CLEC4G: variants seen among roughly 807,000 people sequenced by gnomAD.
CLEC4G encodes the protein C-type lectin domain family 4 member G, also known as C-type lectin superfamily 4, member G.
In CLEC4G, 34 loss-of-function variants were observed where a neutral mutation model predicts 37.0. The observed-to-expected ratio is 0.92, with a 90% confidence interval of 0.70 to 1.22. The LOEUF (loss-of-function observed/expected upper bound fraction) is 1.22, where lower values mean the gene tolerates loss of function less well. CLEC4G is among the 50% of genes most tolerant of loss of function. The pLI, the probability that CLEC4G is intolerant of heterozygous loss-of-function variation, is 0.00. For missense variants in CLEC4G, 390 were observed against 392.9 expected (o/e 0.99, Z 0.06); for synonymous variants, 167 against 165.6 (o/e 1.01, Z -0.06).
rs1368385732 is a variant in CLEC4G at position 7,730,332 on chromosome 19, G to T, written c.478+19C>A. The T allele has an allele frequency of 1.3e-6, 2 of 1,589,594 alleles. No individual in the cohort carries two copies. Among genetic ancestry groups the T allele is most frequent in the South Asian group, 2.2e-5 (2 of 89,912 alleles). On this transcript the variant is annotated intron_variant, in intron 6 of 8. Transcript: ENST00000328853. The surrounding 1 kb of genome is among the most constrained non-coding windows in gnomAD (Gnocchi z 7.3). ...GCTTACGCCCTCACAGCCCGCCCCC[G>T]ACCCCCCGTCTCGCTCACTGTTCTG...
chr19:7,731,011 A>C lies in CLEC4G; in HGVS notation c.283+15T>G. 6.3e-7 allele frequency: 1 copy of C among 1,589,812 alleles called. No individual in the cohort carries two copies. Among genetic ancestry groups the C allele is most frequent in the East Asian group, 2.3e-5 (1 of 44,312 alleles). On this transcript the variant is annotated intron_variant, in intron 4 of 8. Transcript: ENST00000328853. ...CCCCATCCCTGCGCCCACAGCCTCGACCGCGCCCCCTCACAGCAGCTGTGG... is the reference window on the plus strand; with the variant it reads ...CCCCATCCCTGCGCCCACAGCCTCGCCCGCGCCCCCTCACAGCAGCTGTGG...
chr19:7,731,241 C>G (rs1292572951), intron 3 of CLEC4G, 25 bp downstream of exon 3: 1 of 1,581,988 alleles, frequency 6.3e-7, no homozygotes, highest in East Asian at 2.3e-5. Context: ...GCCCCGGGGG[C>G]CCAGGCGCCC....
At chr19:7,731,158 A>G in intron 3 of CLEC4G, 70 bp from the exon 4 acceptor site, 1 of 1,591,238 alleles carries the variant, frequency 6.3e-7, no homozygotes, top group Non-Finnish European at 8.5e-7. Context: ...ACCCCCTTCC[A>G]GCCTCAGGGA....
At position 7,729,317 on chromosome 19, in the gene CLEC4G, C is replaced by T. The variant is rs2033390199; in HGVS notation, c.*49G>A. 12 of 1,340,496 alleles carry T rather than the reference C, an allele frequency of 9.0e-6. No homozygotes were observed. Among genetic ancestry groups the T allele is most frequent in the Non-Finnish European group, 1.3e-5 (12 of 936,004 alleles). The allele number at this position is 1,340,496 out of a possible 1,614,324, so 83.0% of individuals were successfully genotyped here. On this transcript the variant is annotated 3_prime_UTR_variant, in exon 9 of 9. Transcript: ENST00000328853. ...AGGAGCCAGGGAGGTGAGCAGCCCC[C>T]AGGATACGACATGCTGCAATGGGCG...
chr19:7,730,832 G>A lies in CLEC4G; in HGVS notation c.311C>T (p.Thr104Ile). The A allele has an allele frequency of 6.5e-7, 1 of 1,531,278 alleles. No individual in the cohort carries two copies. 94.9% of individuals were successfully genotyped at this position (1,531,278 alleles called of 1,614,324 possible). The change falls in exon 5 of 9, where the codon ACC (threonine) becomes ATC (isoleucine). Residue 104 changes from threonine to isoleucine, a missense_variant. By Grantham distance (89) the Thr-to-Ile change is moderately conservative. Transcript: ENST00000328853. This position sits in a 1 kb window ranked among gnomAD's most constrained non-coding sequence, Gnocchi z 7.3. The stretch of plus-strand genomic sequence containing the variant: ...CGCCTCCCCAAGCTCCGCGCGCGTG[G>A]TCTGCAGCTGCGCCTGCGTCCCCGA... ...CCSGTQAQLQ[T>I]TRAELGEAQA...
rs1178694895 is a variant in CLEC4G at position 7,730,722 on chromosome 19, G to C, written c.388+33C>G. The C allele has an allele frequency of 6.6e-7, 1 of 1,518,696 alleles. No homozygotes were observed. The highest frequency in any genetic ancestry group is 8.8e-7 in the Non-Finnish European group (1 of 1,138,244). The allele number at this position is 1,518,696 out of a possible 1,614,324, so 94.1% of individuals were successfully genotyped here. ...GGGTCGGGGTCGGGGGACGCGGCCA[G>C]GGCTCAGGGCCGGGGTCGCGTCGGG... On this transcript the variant is annotated intron_variant, in intron 5 of 8. Transcript: ENST00000328853. This position sits in a 1 kb window ranked among gnomAD's most constrained non-coding sequence, Gnocchi z 7.3.
chr19:7,729,494 G>A lies in CLEC4G; in HGVS notation c.754C>T (p.Gln252Ter). The change falls in exon 9 of 9, where the codon CAG becomes TAG. Residue 252 changes from glutamine (Q) to a stop codon, truncating the protein, a stop_gained. Coordinates refer to ENST00000328853, the MANE Select transcript of CLEC4G (RefSeq NM_198492.4). LOFTEE classifies it low-confidence loss of function (END_TRUNC). ...GVSLSFSHWN[Q>*]GEPNDAWGRE... ...CCCCAAGCGTCATTGGGCTCTCCCT[G>A]GTTCCAGTGGCTACAGGGGGGTTGA... 6.2e-7 allele frequency: 1 copy of A among 1,603,320 alleles called. No homozygotes were observed. The highest frequency in any genetic ancestry group is 8.5e-7 in the Non-Finnish European group (1 of 1,172,108).
At chr19:7,731,843 C>A in intron 1 of CLEC4G, 72 bp from the exon 2 acceptor site, 1 of 1,554,152 alleles carries the variant, frequency 6.4e-7, no homozygotes, top group South Asian at 1.2e-5. Flanking sequence ...TCCCAGGAAA[C>A]TGAGATTCAG....
Position 7,730,456 on chromosome 19 carries a change from A to G in CLEC4G, c.389-16T>C. On this transcript the variant is annotated splice_polypyrimidine_tract_variant and intron_variant, in intron 5 of 8. Coordinates refer to ENST00000328853, the MANE Select transcript of CLEC4G (RefSeq NM_198492.4). This position sits in a 1 kb window ranked among gnomAD's most constrained non-coding sequence, Gnocchi z 7.3. ...CCCTGGGTCACTGCGGGGTCAAGGG[A>G]GCGGGGATTATGGCTGGGGTCAGGG... The G allele has an allele frequency of 1.3e-6, 2 of 1,599,056 alleles. No homozygotes were observed. The highest frequency in any genetic ancestry group is 3.3e-5 in the Admixed American group (2 of 59,740).
rs565957284 is a variant in CLEC4G, at chr19:7,730,137, A to G, written c.509T>C (p.Leu170Pro). 1 of 1,613,062 alleles carries G rather than the reference A, an allele frequency of 6.2e-7. No individual in the cohort carries two copies. The highest frequency in any genetic ancestry group is 1.1e-5 in the South Asian group (1 of 90,990). ...NSCEPCPTSW[L>P]SFEGSCYFFS... Reference sequence around the variant, plus strand: ...AAAGTAGCAGGAGCCCTCGAAGGACAGCCACGACGTGGGGCACGGCTCGCA... The same window carrying G: ...AAAGTAGCAGGAGCCCTCGAAGGACGGCCACGACGTGGGGCACGGCTCGCA... The change falls in exon 7 of 9, where the codon CTG becomes CCG. Residue 170 changes from leucine (L) to proline (P), a missense_variant. Transcript: ENST00000328853. This position sits in a 1 kb window ranked among gnomAD's most constrained non-coding sequence, Gnocchi z 7.3.
Position 7,731,670 on chromosome 19 carries a change from A to G in CLEC4G, c.157T>C (p.Leu53=). 1.9e-6 allele frequency: 3 copies of G among 1,613,986 alleles called. No homozygotes were observed. Among genetic ancestry groups the G allele is most frequent in the Non-Finnish European group, 2.5e-6 (3 of 1,179,920 alleles). Residue 53 remains leucine, a synonymous_variant, in exon 2 of 9, where the codon TTG becomes CTG. Coordinates refer to ENST00000328853, the MANE Select transcript of CLEC4G (RefSeq NM_198492.4). ...ATTGAGAGTCACTCACCCTTGGACA[A>G]TAGGATACTCAGAATCACAGCCCAA... The part of the protein sequence containing the change: ...VLWAVILSIL[L]SKASTERAAL...
In CLEC4G at chr19:7,730,364, C is replaced by T. The variant is rs1599458392; in HGVS notation, c.465G>A (p.Val155=). ...RTELFRALEA[V]RLQNNSCEPC... is the part of the protein sequence containing the mutation. ...CGTCTCGCTCACTGTTCTGGAGCCT[C>T]ACGGCCTCCAGCGCCCGGAACAGCT... The change falls in exon 6 of 9, where the codon GTG becomes GTA. Residue 155 remains valine (V), a synonymous_variant. Coordinates refer to ENST00000328853, the MANE Select transcript of CLEC4G (RefSeq NM_198492.4). The surrounding 1 kb of genome is among the most constrained non-coding windows in gnomAD (Gnocchi z 7.3). 1.2e-6 allele frequency: 2 copies of T among 1,603,308 alleles called. No homozygotes were observed. The highest frequency in any genetic ancestry group is 1.7e-6 in the Non-Finnish European group (2 of 1,179,718).
rs1308723678 is a variant in CLEC4G at position 7,730,003 on chromosome 19, C to T, written c.627+16G>A. The T allele has an allele frequency of 6.3e-7, 1 of 1,597,532 alleles. No individual in the cohort carries two copies. Among genetic ancestry groups the T allele is most frequent in the Middle Eastern group, 1.7e-4 (1 of 6,040 alleles). ...CCCTGCCCCACCGCCTGACCACGCC[C>T]CCTCCCCCTGCGCACCTGCTCATCC... is the stretch of plus-strand genomic sequence containing the variant. On this transcript the variant is annotated intron_variant, in intron 7 of 8. Transcript: ENST00000328853. The surrounding 1 kb of genome is among the most constrained non-coding windows in gnomAD (Gnocchi z 7.3).
chr19:7,731,575 C>A, intron 2 of CLEC4G, 86 bp downstream of exon 2: 1 of 1,539,580 alleles, frequency 6.5e-7, no homozygotes, highest in Non-Finnish European at 8.8e-7. Flanking sequence ...AACAGGACCC[C>A]AGGATGCAGC....
Position 7,732,077 on chromosome 19 carries a change from C to A in CLEC4G, c.26G>T (p.Trp9Leu), listed in dbSNP as rs1171422243. 3.1e-6 allele frequency: 5 copies of A among 1,610,898 alleles called. No homozygotes were observed. Among genetic ancestry groups the A allele is most frequent in the Middle Eastern group, 3.3e-4 (2 of 6,050 alleles). The part of the protein sequence containing the change: MDTTRYSK[W>L]GGSSEEVPGG... ...GGGGACCTCCTCGGAGCTGCCGCCC[C>A]ACTTGCTGTACCTGGTGGTGTCCAT... Residue 9 changes from tryptophan to leucine, a missense_variant, in exon 1 of 9, where the codon TGG (tryptophan) becomes TTG (leucine). Trp to Leu is a moderately conservative substitution (Grantham distance 61, BLOSUM62 -2). Coordinates refer to ENST00000328853, the MANE Select transcript of CLEC4G (RefSeq NM_198492.4).
intron 7 of CLEC4G, 41 bp from the exon 8 acceptor site, chr19:7,729,977 G>T (rs767302020): frequency 4.4e-6 from 7 of 1,574,840 alleles, no homozygotes; most frequent in Non-Finnish European, 5.2e-6. Flanking sequence ...AGTCCGCCCC[G>T]CCCTGCCCCA....
At position 7,731,723 on chromosome 19, in the gene CLEC4G, G is replaced by T; in HGVS notation, c.104C>A (p.Ala35Asp). 5 of 1,614,104 alleles carry T rather than the reference G, an allele frequency of 3.1e-6. No homozygotes were observed. The African/African-American group carries it at 5.3e-5, about 17-fold the overall frequency. ...VHWSRRPLFLALAVLVTTVLW... is the reference protein window; with the variant it reads ...VHWSRRPLFLDLAVLVTTVLW... ...GACTGTGGTGACCAGGACAGCCAGG[G>T]CCAAGAAGAGGGGTCTCCTGCTCCA... The change falls in exon 2 of 9, where the codon GCC (alanine) becomes GAC (aspartate). Residue 35 changes from alanine (A) to aspartate (D), a missense_variant. Transcript: ENST00000328853.
rs1312296836 is a variant in CLEC4G at position 7,729,223 on chromosome 19, T to C, written c.*143A>G. 9.8e-6 allele frequency: 7 copies of C among 716,746 alleles called. No individual in the cohort carries two copies. The highest frequency in any genetic ancestry group is 1.5e-5 in the South Asian group (1 of 68,036). The allele number at this position is 716,746 out of a possible 1,614,324, so 44.4% of individuals were successfully genotyped here. On this transcript the variant is annotated 3_prime_UTR_variant, in exon 9 of 9. Transcript: ENST00000328853. ...AGGCACTGGGCTGGACAGGGCTATG[T>C]TGGGCCAAGTGTTTCTGAGACTCAG... is the stretch of plus-strand genomic sequence containing the variant.
chr19:7,730,815 C>A lies in CLEC4G; in HGVS notation c.328G>T (p.Gly110Trp). The change falls in exon 5 of 9, where the codon GGG (glycine) becomes TGG (tryptophan). Residue 110 changes from glycine (G) to tryptophan (W), a missense_variant. Gly to Trp is a radical substitution (Grantham distance 184). Coordinates refer to ENST00000328853, the MANE Select transcript of CLEC4G (RefSeq NM_198492.4). The surrounding 1 kb of genome is among the most constrained non-coding windows in gnomAD (Gnocchi z 7.3). Reference protein sequence around the residue: ...AQLQTTRAELGEAQAKLMEQE... With the variant: ...AQLQTTRAELWEAQAKLMEQE... ...TCCATCAGCTTCGCCTGCGCCTCCC[C>A]AAGCTCCGCGCGCGTGGTCTGCAGC... The A allele has an allele frequency of 6.5e-7, 1 of 1,532,656 alleles. No homozygotes were observed. The highest frequency in any genetic ancestry group is 8.7e-7 in the Non-Finnish European group (1 of 1,145,954). The allele number at this position is 1,532,656 out of a possible 1,614,324, so 94.9% of individuals were successfully genotyped here. A position where few individuals can be genotyped will look rare whatever the true frequency, so the allele number is the denominator to read the frequency against.
Sources: allele counts gnomAD v4.1 joint callset, GRCh38; gene constraint gnomAD v4.1.1; non-coding constraint Gnocchi (gnomAD v3.1); transcripts MANE v1.5; gene names NCBI Gene and HGNC (gene_info 2026-07-23, HGNC 2026-07-21).